The following ZNF366 variants were observed in gnomAD, a reference collection of about 807,000 sequenced individuals.
ZNF366 encodes zinc finger protein 366.
ZNF366 carries 20 observed loss-of-function variants against 47.2 expected under a neutral mutation model. The ratio of observed to expected loss-of-function variants is 0.42; its 90% CI spans 0.30 to 0.62. The LOEUF (loss-of-function observed/expected upper bound fraction) is 0.62, where lower values mean the gene tolerates loss of function less well. ZNF366 is among the 20% of genes least tolerant of loss of function. ZNF366 has a pLI of 0.16. For synonymous variants in ZNF366, 421 were observed against 395.1 expected, an observed-to-expected ratio of 1.07 and a Z score of -0.78; for missense variants, 987 against 976.3, an observed-to-expected ratio of 1.01 and a Z score of -0.15.
At chr5:72,487,107 G>C (rs1743907052) in intron 1 of ZNF366, among the ~76,000 whole-genome samples, 1 of 152,194 alleles carries the variant, frequency 6.6e-6, no homozygotes, top group Admixed American at 6.5e-5. Flanking sequence ...TCAACAATTA[G>C]GTTCTTTCTG....
intron 1 of ZNF366, among the ~76,000 whole-genome samples, chr5:72,482,746 T>TG: frequency 7.1e-6 from 1 of 140,970 alleles, no homozygotes; most frequent in East Asian, 2.1e-4. Flanking sequence ...CATTTCTATT[T>TG]TGTGTGTGTG....
At chr5:72,473,548 G>A (rs1743612424) in intron 1 of ZNF366, among the ~76,000 whole-genome samples, 1 of 152,174 alleles carries the variant, frequency 6.6e-6, no homozygotes, top group Non-Finnish European at 1.5e-5. Context: ...GCTACAAGAG[G>A]CATAATAATT....
At chr5:72,496,443 A>C (rs929534394) in intron 1 of ZNF366, among the ~76,000 whole-genome samples, 12 of 152,146 alleles carry the variant, frequency 7.9e-5, no homozygotes, top group Non-Finnish European at 1.5e-5. Flanking sequence ...TGATTTTGAG[A>C]TTCATCCATT....
chr5:72,454,185 A>G (rs187750634), intron 3 of ZNF366, among the ~76,000 whole-genome samples: 177 of 152,352 alleles, frequency 1.2e-3, no homozygotes, highest in African/African-American at 4.1e-3. Flanking sequence ...TGAACTGTAA[A>G]GCTGAGCATC....
In ZNF366 at chr5:72,465,776, C is replaced by T. The variant is rs192538809; in HGVS notation, c.-14-4266G>A. Among the ~76,000 whole-genome samples, 15 of 152,262 alleles carry T rather than the reference C, an allele frequency of 9.9e-5. No homozygotes were observed. In the East Asian group the frequency reaches 2.9e-3, roughly 29 times the overall value. On this transcript the variant is annotated intron_variant, in intron 1 of 4. Transcript: ENST00000318442. Reference sequence around the variant, plus strand: ...AAAGAAGAACTGAAAATGTAAAAGCCGCTGCGTGTGGGATAATGGAAAGAG... The same window carrying T: ...AAAGAAGAACTGAAAATGTAAAAGCTGCTGCGTGTGGGATAATGGAAAGAG...
intron 1 of ZNF366, among the ~76,000 whole-genome samples, chr5:72,486,129 A>G (rs1329235397): frequency 6.6e-6 from 1 of 152,228 alleles, no homozygotes; most frequent in Non-Finnish European, 1.5e-5. Flanking sequence ...AACTCTGTGT[A>G]CACAGGAATA....
intron 1 of ZNF366, among the ~76,000 whole-genome samples, chr5:72,469,584 A>G (rs979196740): frequency 6.6e-6 from 1 of 152,150 alleles, no homozygotes; most frequent in African/African-American, 2.4e-5. Flanking sequence ...CAAAGGGGAG[A>G]TTTTAAATAT....
At chr5:72,472,961 C>T (rs1476527229) in intron 1 of ZNF366, among the ~76,000 whole-genome samples, 3 of 152,196 alleles carry the variant, frequency 2.0e-5, no homozygotes, top group South Asian at 2.1e-4. Flanking sequence ...TATGCCCACA[C>T]CCTCGAGGGA....
intron 1 of ZNF366, among the ~76,000 whole-genome samples, chr5:72,462,295 T>C (rs1743331002): frequency 6.6e-6 from 1 of 152,216 alleles, no homozygotes; most frequent in South Asian, 2.1e-4. Flanking sequence ...GAATGAAATA[T>C]TCCTTTATTA....
chr5:72,482,781 T>TGTGTGA (rs1743815621), intron 1 of ZNF366, among the ~76,000 whole-genome samples: 1 of 151,600 alleles, frequency 6.6e-6, no homozygotes, highest in South Asian at 2.1e-4. Flanking sequence ...TGTGTGTGTG[T>TGTGTGA]GTGATTTTAA....
intron 1 of ZNF366, among the ~76,000 whole-genome samples, chr5:72,504,057 A>G (rs1283479575): frequency 6.6e-6 from 1 of 151,808 alleles, no homozygotes; most frequent in Non-Finnish European, 1.5e-5. Context: ...GCACACACGC[A>G]CGCACACACG....
chr5:72,501,363 T>C (rs1451199904), intron 1 of ZNF366, among the ~76,000 whole-genome samples: 1 of 152,150 alleles, frequency 6.6e-6, no homozygotes, highest in African/African-American at 2.4e-5. Context: ...TAATAGAGAG[T>C]GCCTTTTCAG....
chr5:72,484,344 C>T (rs998929357), intron 1 of ZNF366, among the ~76,000 whole-genome samples: 6 of 150,534 alleles, frequency 4.0e-5, no homozygotes, highest in Admixed American at 3.3e-4. Flanking sequence ...ATTAGCCGGG[C>T]GTAGTGGCGG....
At chr5:72,484,426 G>T (rs1427780047) in intron 1 of ZNF366, among the ~76,000 whole-genome samples, 17 of 148,620 alleles carry the variant, frequency 1.1e-4, no homozygotes, top group African/African-American at 4.2e-4. Flanking sequence ...GGAGCTTGCA[G>T]TGAGCCGAGA....
At chr5:72,462,416 A>G (rs1447799690) in intron 1 of ZNF366, among the ~76,000 whole-genome samples, 1 of 152,074 alleles carries the variant, frequency 6.6e-6, no homozygotes, top group Non-Finnish European at 1.5e-5. Flanking sequence ...ACAGCCAGTT[A>G]CTGTGTCCTG....
chr5:72,482,676 A>G (rs1743811959), intron 1 of ZNF366, among the ~76,000 whole-genome samples: 1 of 151,848 alleles, frequency 6.6e-6, no homozygotes, highest in Non-Finnish European at 1.5e-5. Flanking sequence ...GGCTCCGGAG[A>G]GCTGTTGCCT....
chr5:72,471,275 T>A (rs1337806790), intron 1 of ZNF366, among the ~76,000 whole-genome samples: 1 of 152,236 alleles, frequency 6.6e-6, no homozygotes, highest in Non-Finnish European at 1.5e-5. Flanking sequence ...TGATGAATGA[T>A]CACTCTGCAT....
chr5:72,470,976 T>G (rs1403209264), intron 1 of ZNF366, among the ~76,000 whole-genome samples: 1 of 152,212 alleles, frequency 6.6e-6, no homozygotes, highest in Non-Finnish European at 1.5e-5. Context: ...GGGAAGGTTC[T>G]GAAAATGCCC....
At position 72,440,632 on chromosome 5, in the gene ZNF366, C is replaced by A. The variant is rs1742838737; in HGVS notation, c.*3124G>T. On this transcript the variant is annotated 3_prime_UTR_variant, in exon 5 of 5. Transcript: ENST00000318442. ...GCTCATTAGGCAAGGCTGGCCAACC[C>A]TTCCCTTAACTCTGTGCTCTTGCAT... The A allele has an allele frequency of 6.6e-6, 1 of 152,230 alleles. No homozygotes were observed. Among genetic ancestry groups the A allele is most frequent in the Non-Finnish European group, 1.5e-5 (1 of 68,054 alleles). 9.4% of individuals were successfully genotyped at this position (152,230 alleles called of 1,614,324 possible).
Sources: gnomAD v4.1 joint callset for allele counts (sites outside exome capture counted in the v4.1 genomes callset) on GRCh38, gnomAD v4.1.1 for gene constraint, MANE v1.5 for transcripts, NCBI Gene and HGNC (gene_info 2026-07-23, HGNC 2026-07-21) for gene names.